The following PALLD variants were observed in gnomAD, a reference collection of about 807,000 sequenced individuals.
PALLD encodes palladin.
In PALLD, 61 loss-of-function variants were observed where a neutral mutation model predicts 123.5. The ratio of observed to expected loss-of-function variants is 0.49; its 90% CI spans 0.40 to 0.61. The LOEUF (loss-of-function observed/expected upper bound fraction) is 0.61, where lower values mean the gene tolerates loss of function less well. Among genes scored for constraint, PALLD ranks in the 20% least tolerant of loss-of-function variants. The probability of loss-of-function intolerance (pLI) is 0.00; values close to 1 mark genes in which losing one functional copy is unlikely to be tolerated. For missense variants in PALLD, 1,273 were observed against 1,377.0 expected (o/e 0.92, Z 1.20); for synonymous variants, 465 against 496.4 (o/e 0.94, Z 0.84).
chr4:168,882,590 A>G (rs1459401557), intron 10 of PALLD, among the ~76,000 whole-genome samples: 2 of 151,956 alleles, frequency 1.3e-5, no homozygotes, highest in Non-Finnish European at 2.9e-5. Flanking sequence ...TCTTTCTCCT[A>G]TTTTTCAGGA....
At chr4:168,702,662 A>G (rs906959549) in intron 8 of PALLD, among the ~76,000 whole-genome samples, 7 of 152,144 alleles carry the variant, frequency 4.6e-5, no homozygotes, top group African/African-American at 1.7e-4. Flanking sequence ...TTGAACACCC[A>G]GGATTCATTG....
chr4:168,570,015 C>CAAAAGCATCATA (rs1184337219), intron 2 of PALLD, among the ~76,000 whole-genome samples: 1 of 152,086 alleles, frequency 6.6e-6, no homozygotes, highest in South Asian at 2.1e-4. Context: ...ATGATGCTGG[C>CAAAAGCATCATA]AAGTATGGAA....
intron 10 of PALLD, among the ~76,000 whole-genome samples, chr4:168,802,712 C>T (rs1263197995): frequency 5.3e-5 from 8 of 151,186 alleles, no homozygotes; most frequent in East Asian, 1.9e-4. Flanking sequence ...TTTTTTAAGA[C>T]GGAGTTTCAC....
chr4:168,643,359 G>A (rs1018471175), intron 2 of PALLD, among the ~76,000 whole-genome samples: 3 of 152,206 alleles, frequency 2.0e-5, no homozygotes, highest in Non-Finnish European at 2.9e-5. Context: ...GGAACTTGAA[G>A]TCTAGGAACT....
chr4:168,593,881 A>C (rs1394588217), intron 2 of PALLD, among the ~76,000 whole-genome samples: 1 of 152,190 alleles, frequency 6.6e-6, no homozygotes, highest in Non-Finnish European at 1.5e-5. Context: ...AATGATTAAA[A>C]ATTTTTAAAG....
chr4:168,772,951 A>G (rs1734653047), intron 10 of PALLD, among the ~76,000 whole-genome samples: 1 of 152,154 alleles, frequency 6.6e-6, no homozygotes, highest in Non-Finnish European at 1.5e-5. Context: ...TCTCTTGGGC[A>G]TGGAGTGGGT....
At position 168,737,291 on chromosome 4, in the gene PALLD, CT is replaced by C. The variant is rs1041905391; in HGVS notation, c.1964+25376del. ...TCTTGCTATAGCACATTTGGGGCCT[CT>C]TTTTTTTCTTTTTTATAAGTCAAAT... On this transcript the variant is annotated intron_variant, in intron 10 of 21. Transcript: ENST00000505667. 1.3e-4 allele frequency among the ~76,000 whole-genome samples: 20 copies of C among 152,054 alleles called. No homozygotes were observed. In the Middle Eastern group the frequency reaches 0.017, roughly 129 times the overall value.
chr4:168,713,488 T>G (rs1246482062), intron 10 of PALLD, among the ~76,000 whole-genome samples: 1 of 152,170 alleles, frequency 6.6e-6, no homozygotes. Context: ...TCTACTCTAA[T>G]GGGTATCATA....
intron 10 of PALLD, chr4:168,829,416 T>C (rs1465059260): frequency 1.3e-5 from 2 of 152,250 alleles, no homozygotes; most frequent in Non-Finnish European, 2.9e-5. Flanking sequence ...GTCCCTTCCA[T>C]GGCCGGTAAA....
At chr4:168,711,486 C>G in intron 9 of PALLD, 95 bp from the exon 10 acceptor site, 1 of 922,568 alleles carries the variant, frequency 1.1e-6, no homozygotes, top group South Asian at 1.4e-5. Context: ...CAACTTCACA[C>G]AACACAGGGA....
intron 10 of PALLD, among the ~76,000 whole-genome samples, chr4:168,763,326 G>A (rs572106118): frequency 4.7e-4 from 72 of 152,166 alleles, no homozygotes; most frequent in Middle Eastern, 3.4e-3. Context: ...ACTATGTGCC[G>A]GGTGCTCTAA....
intron 10 of PALLD, among the ~76,000 whole-genome samples, chr4:168,889,168 T>TGG (rs1553968222): frequency 3.2e-4 from 9 of 28,250 alleles, no homozygotes; most frequent in African/African-American, 6.7e-4. Context: ...GTGTGTGTGG[T>TGG]TTTTTTTTTT....
intron 10 of PALLD, among the ~76,000 whole-genome samples, chr4:168,713,424 G>A (rs867683415): frequency 6.6e-6 from 1 of 152,202 alleles, no homozygotes; most frequent in African/African-American, 2.4e-5. Context: ...GAGAGAAAGG[G>A]CAAATGTGTT....
At chr4:168,898,304 T>C (rs1052915663) in intron 13 of PALLD, 189 bp from the exon 14 acceptor site, 12 of 619,008 alleles carry the variant, frequency 1.9e-5, no homozygotes, top group Non-Finnish European at 2.9e-5. Flanking sequence ...GAAGACAATC[T>C]GAAATACCAC....
At position 168,918,601 on chromosome 4, in the gene PALLD, A is replaced by G. The variant is rs76923123; in HGVS notation, c.2850+2574A>G. On this transcript the variant is annotated intron_variant, in intron 17 of 21. Coordinates refer to ENST00000505667, the MANE Select transcript of PALLD (RefSeq NM_001166108.2). ...TTCAGACAGGAAGAATAAGTTCAAGAGATCTGTTGTACAACATGGTGACTA... is the reference window on the plus strand; with the variant it reads ...TTCAGACAGGAAGAATAAGTTCAAGGGATCTGTTGTACAACATGGTGACTA... Among the ~76,000 whole-genome samples, 804 of 152,310 alleles carry G rather than the reference A, an allele frequency of 5.3e-3. 3 individuals carry two copies. Among genetic ancestry groups the G allele is most frequent in the Middle Eastern group, 0.034 (10 of 294 alleles).
chr4:168,636,641 TTAAAATTCTGTGTCTGATG>T (rs1157604936), intron 2 of PALLD, among the ~76,000 whole-genome samples: 2 of 152,186 alleles, frequency 1.3e-5, no homozygotes, highest in African/African-American at 2.4e-5. Context: ...CCATTCCAGC[TTAAAATTCTGTGTCTGATG>T]AATCACTGGC....
intron 10 of PALLD, among the ~76,000 whole-genome samples, chr4:168,794,326 T>C (rs1738090883): frequency 6.6e-6 from 1 of 152,174 alleles, no homozygotes; most frequent in African/African-American, 2.4e-5. Context: ...TCAGGCCCTC[T>C]AAGGGGTCCT....
intron 2 of PALLD, among the ~76,000 whole-genome samples, chr4:168,595,099 A>C (rs1025111605): frequency 8.5e-5 from 13 of 152,176 alleles, no homozygotes; most frequent in Admixed American, 2.0e-4. Context: ...GGATTAGAGA[A>C]ATTGACTAGA....
chr4:168,889,505 T>C (rs1753859672), intron 10 of PALLD, among the ~76,000 whole-genome samples: 1 of 152,082 alleles, frequency 6.6e-6, no homozygotes, highest in Admixed American at 6.6e-5. Context: ...TATCATGAAC[T>C]ATGTAATATA....
Sources: gnomAD v4.1 joint callset for allele counts (sites outside exome capture counted in the v4.1 genomes callset) on GRCh38, gnomAD v4.1.1 for gene constraint, MANE v1.5 for transcripts, NCBI Gene and HGNC (gene_info 2026-07-23, HGNC 2026-07-21) for gene names.